The following HS3ST4 variants were observed in gnomAD, a reference collection of about 807,000 sequenced individuals.
HS3ST4 encodes heparan sulfate glucosamine 3-O-sulfotransferase 4.
A neutral mutation model predicts 29.2 loss-of-function variants in HS3ST4; 17 were observed. The ratio of observed to expected loss-of-function variants is 0.58; its 90% confidence interval spans 0.40 to 0.87. HS3ST4 has a LOEUF of 0.87. Among genes scored for constraint, HS3ST4 ranks in the 40% least tolerant of loss-of-function variants. The pLI is 0.00. For synonymous variants in HS3ST4, 314 were observed against 285.7 expected (o/e 1.10, Z -1.00); for missense variants, 627 against 634.5 (o/e 0.99, Z 0.13).
intron 1 of HS3ST4, among the ~76,000 whole-genome samples, chr16:26,046,553 C>A (rs1275689730): frequency 6.6e-6 from 1 of 152,126 alleles, no homozygotes; most frequent in Non-Finnish European, 1.5e-5. Flanking sequence ...CACTTCACTT[C>A]TGATTGCTGT....
At chr16:25,763,018 G>A (rs970133046) in intron 1 of HS3ST4, among the ~76,000 whole-genome samples, 3 of 151,900 alleles carry the variant, frequency 2.0e-5, no homozygotes, top group Non-Finnish European at 4.4e-5. Context: ...CAGACACCAA[G>A]GTACCCAGGA....
intron 1 of HS3ST4, among the ~76,000 whole-genome samples, chr16:25,777,793 A>G (rs1306205665): frequency 2.6e-5 from 4 of 152,118 alleles, no homozygotes; most frequent in Admixed American, 6.6e-5. Flanking sequence ...AGAAATCGAA[A>G]CAGCAAAAAA....
At chr16:26,133,084 T>A (rs1899440773) in intron 1 of HS3ST4, among the ~76,000 whole-genome samples, 1 of 152,182 alleles carries the variant, frequency 6.6e-6, no homozygotes, top group Non-Finnish European at 1.5e-5. Context: ...CTAGATCAGT[T>A]CCTTAGATAC....
At chr16:26,058,370 T>A (rs1898433740) in intron 1 of HS3ST4, among the ~76,000 whole-genome samples, 2 of 152,192 alleles carry the variant, frequency 1.3e-5, no homozygotes, top group South Asian at 4.1e-4. Context: ...TTGCATTTCT[T>A]CCTGCAGGCT....
intron 1 of HS3ST4, among the ~76,000 whole-genome samples, chr16:26,043,641 G>A (rs568495457): frequency 2.0e-5 from 3 of 152,306 alleles, no homozygotes; most frequent in East Asian, 3.9e-4. Flanking sequence ...ATGATGAGAA[G>A]GAAAAGAGAT....
intron 1 of HS3ST4, among the ~76,000 whole-genome samples, chr16:25,828,300 CCCTCTCTCTCTCTCTCTCT>C (rs1967253275): frequency 1.8e-5 from 1 of 56,770 alleles, no homozygotes. Context: ...TTCTTTCTTT[CCCTCTCTCTCTCTCTCTCT>C]CTCTCTCTCT....
chr16:25,809,781 G>A (rs1967023945), intron 1 of HS3ST4, among the ~76,000 whole-genome samples: 1 of 152,070 alleles, frequency 6.6e-6, no homozygotes, highest in African/African-American at 2.4e-5. Flanking sequence ...ATAGTGTATA[G>A]TTGTTCATGG....
intron 1 of HS3ST4, among the ~76,000 whole-genome samples, chr16:25,946,958 A>G (rs898165400): frequency 3.9e-5 from 6 of 152,162 alleles, no homozygotes; most frequent in South Asian, 4.1e-4. Flanking sequence ...CAATGTCCCA[A>G]TGTGGTTGGG....
In HS3ST4 at chr16:25,860,029, A is replaced by G. The variant is rs570182608; in HGVS notation, c.734+166878A>G. Among the ~76,000 whole-genome samples, 3 of 152,250 alleles carry G rather than the reference A, an allele frequency of 2.0e-5. No homozygotes were observed. In the South Asian group the frequency reaches 6.2e-4, roughly 32 times the overall value. Reference sequence around the variant, plus strand: ...TGTGTGTGAACTGTGCATGCGAGGGATCTAGGTTGTGAGCTCCTTATGAGA... The same window carrying G: ...TGTGTGTGAACTGTGCATGCGAGGGGTCTAGGTTGTGAGCTCCTTATGAGA... On this transcript the variant is annotated intron_variant, in intron 1 of 1. Transcript: ENST00000331351.
At chr16:26,087,453 GA>G (rs952573143) in intron 1 of HS3ST4, among the ~76,000 whole-genome samples, 4 of 152,114 alleles carry the variant, frequency 2.6e-5, no homozygotes, top group Non-Finnish European at 5.9e-5. Flanking sequence ...TGGAACCAAG[GA>G]ACACCTGGCA....
rs373166686 is a variant in HS3ST4 at position 25,941,148 on chromosome 16, G to T, written c.735-194464G>T. On this transcript the variant is annotated intron_variant, in intron 1 of 1. Transcript: ENST00000331351. The stretch of plus-strand genomic sequence containing the variant: ...TCACAACCCAATACCCTGTTTTTTT[G>T]TTTTGTTTTGTTTTTTTGTTAGTTT... Among the ~76,000 whole-genome samples the T allele has an allele frequency of 2.6e-4, 40 of 152,008 alleles. No homozygotes were observed. The East Asian group carries it at 6.0e-3, about 23-fold the overall frequency.
At chr16:26,104,113 GT>G (rs1194339800) in intron 1 of HS3ST4, among the ~76,000 whole-genome samples, 1 of 152,188 alleles carries the variant, frequency 6.6e-6, no homozygotes, top group Non-Finnish European at 1.5e-5. Context: ...TGAGTTGCTG[GT>G]TAAGAGAAGT....
At chr16:25,802,837 T>C (rs752644188) in intron 1 of HS3ST4, among the ~76,000 whole-genome samples, 30 of 152,008 alleles carry the variant, frequency 2.0e-4, no homozygotes, top group Non-Finnish European at 3.1e-4. Context: ...TCTTACACTT[T>C]TGTTGCTAGT....
intron 1 of HS3ST4, among the ~76,000 whole-genome samples, chr16:25,835,147 A>G (rs537482575): frequency 1.7e-4 from 26 of 152,260 alleles, no homozygotes; most frequent in Non-Finnish European, 5.9e-5. Context: ...TGCCTATTTA[A>G]TGTCTAAAAT....
chr16:25,944,807 C>T (rs928562531), intron 1 of HS3ST4, among the ~76,000 whole-genome samples: 1 of 152,080 alleles, frequency 6.6e-6, no homozygotes, highest in African/African-American at 2.4e-5. Context: ...GCCCAATGAC[C>T]AGTCATCAAT....
chr16:26,137,209 C>G lies in HS3ST4; in HGVS notation c.*961C>G, dbSNP rs1326732866. On this transcript the variant is annotated 3_prime_UTR_variant, in exon 2 of 2. Transcript: ENST00000331351. ...TCTGAGCATGTTTTTGGGGTGGACT[C>G]TGTCCCCTAGGGTCCCTAGAAGGGC... The G allele has an allele frequency of 6.6e-6, 1 of 152,106 alleles. No individual in the cohort carries two copies. Among genetic ancestry groups the G allele is most frequent in the Non-Finnish European group, 1.5e-5 (1 of 68,028 alleles). 9.4% of individuals were successfully genotyped at this position (152,106 alleles called of 1,614,324 possible).
At chr16:25,932,277 G>A (rs1968471880) in intron 1 of HS3ST4, among the ~76,000 whole-genome samples, 2 of 152,304 alleles carry the variant, frequency 1.3e-5, no homozygotes, top group Admixed American at 6.5e-5. Flanking sequence ...TTGTGCCACG[G>A]CACTGCAGCC....
intron 1 of HS3ST4, among the ~76,000 whole-genome samples, chr16:26,001,794 A>G (rs1039653227): frequency 7.2e-5 from 11 of 152,092 alleles, no homozygotes; most frequent in African/African-American, 2.4e-4. Flanking sequence ...TTGAAGAAAG[A>G]TCTCACTGGT....
chr16:25,753,734 T>C (rs111554923), intron 1 of HS3ST4, among the ~76,000 whole-genome samples: 23 of 152,320 alleles, frequency 1.5e-4, no homozygotes, highest in African/African-American at 5.3e-4. Context: ...AGGAGATTTC[T>C]TATTCCCAGT....
Sources: allele counts gnomAD v4.1 joint callset (sites outside exome capture counted in the v4.1 genomes callset), GRCh38; gene constraint gnomAD v4.1.1; transcripts MANE v1.5; gene names NCBI Gene and HGNC (gene_info 2026-07-23, HGNC 2026-07-21).